BCAT1: variants seen among roughly 807,000 people sequenced by gnomAD.
BCAT1 encodes the protein branched chain amino acid transaminase 1.
In BCAT1, 48 loss-of-function variants were observed where a neutral mutation model predicts 52.4. The ratio of observed to expected loss-of-function variants is 0.92; its 90% CI spans 0.73 to 1.16. BCAT1 has a LOEUF of 1.16. Among genes scored for constraint, BCAT1 ranks in the 50% most tolerant of loss-of-function variants. The pLI is 0.00. For synonymous variants in BCAT1, 167 were observed against 161.3 expected (o/e 1.04, Z -0.27); for missense variants, 451 against 457.1 (o/e 0.99, Z 0.12).
chr12:24,872,819 C>T (rs1591826972), intron 5 of BCAT1, among the ~76,000 whole-genome samples: 1 of 152,178 alleles, frequency 6.6e-6, no homozygotes, highest in South Asian at 2.1e-4. Context: ...ATTCTCAGCC[C>T]TGGTATAGTT....
intron 1 of BCAT1, chr12:24,903,009 G>C (rs74528004): frequency 1.4e-6 from 2 of 1,442,072 alleles, no homozygotes; most frequent in Middle Eastern, 2.0e-4. Flanking sequence ...CGGGGACGCG[G>C]GGCTGCAGAG....
chr12:24,888,519 AAAC>A (rs1260463132), intron 3 of BCAT1, among the ~76,000 whole-genome samples: 1 of 152,134 alleles, frequency 6.6e-6, no homozygotes, highest in Non-Finnish European at 1.5e-5. Flanking sequence ...GAAAGAAAGA[AAAC>A]AATTCTTTGA....
chr12:24,915,909 G>T (rs1943400130), intron 1 of BCAT1, among the ~76,000 whole-genome samples: 1 of 152,214 alleles, frequency 6.6e-6, no homozygotes, highest in African/African-American at 2.4e-5. Flanking sequence ...TGTAATCCCA[G>T]CACTTTGGGA....
At chr12:24,939,478 ATTAG>A (rs1943817127) in intron 1 of BCAT1, among the ~76,000 whole-genome samples, 2 of 152,232 alleles carry the variant, frequency 1.3e-5, no homozygotes, top group African/African-American at 4.8e-5. Context: ...ATAATTTTCA[ATTAG>A]TTAAATTAAA....
chr12:24,946,566 A>C lies in BCAT1; in HGVS notation c.6+2361T>G, dbSNP rs569320398. On this transcript the variant is annotated intron_variant, in intron 1 of 10. Coordinates refer to ENST00000261192, the MANE Select transcript of BCAT1 (RefSeq NM_005504.7). Reference sequence around the variant, plus strand: ...TTTTTGTATCACAAATTCCAGGAACATAATGAGTGAGGCAGTTAGTCAGGA... The same window carrying C: ...TTTTTGTATCACAAATTCCAGGAACCTAATGAGTGAGGCAGTTAGTCAGGA... 7.2e-5 allele frequency among the ~76,000 whole-genome samples: 11 copies of C among 152,380 alleles called. No homozygotes were observed. In the East Asian group the frequency reaches 2.1e-3, roughly 29 times the overall value.
rs535671279 is a variant in BCAT1, at chr12:24,812,154, T to C, written c.*5854A>G. ...TACAAATTGAGGCAGAAATTTACAT[T>C]CCTTTCTTAACCCTGAGAATGAGTT... is the stretch of plus-strand genomic sequence containing the variant. On this transcript the variant is annotated 3_prime_UTR_variant, in exon 11 of 11. Coordinates refer to ENST00000261192, the MANE Select transcript of BCAT1 (RefSeq NM_005504.7). 1 of 152,232 alleles carries C rather than the reference T, an allele frequency of 6.6e-6. No homozygotes were observed. The highest frequency in any genetic ancestry group is 2.4e-5 in the African/African-American group (1 of 41,576). The allele number at this position is 152,232 out of a possible 1,614,324, so 9.4% of individuals were successfully genotyped here. A position where few individuals can be genotyped will look rare whatever the true frequency, so the allele number is the denominator to read the frequency against.
intron 1 of BCAT1, among the ~76,000 whole-genome samples, chr12:24,925,901 G>A (rs1184101801): frequency 2.0e-5 from 3 of 152,224 alleles, no homozygotes; most frequent in Admixed American, 6.5e-5. Flanking sequence ...GCTCAATGTT[G>A]CCCAAGCTGG....
intron 7 of BCAT1, among the ~76,000 whole-genome samples, chr12:24,836,865 G>T (rs1243091964): frequency 1.8e-5 from 2 of 110,510 alleles, no homozygotes; most frequent in South Asian, 3.1e-4. Flanking sequence ...AGGAAGGAAG[G>T]AAGGAAAGAG....
At chr12:24,903,749 T>C (rs1490492815) in intron 1 of BCAT1, 1 of 152,128 alleles carries the variant, frequency 6.6e-6, no homozygotes, top group Non-Finnish European at 1.5e-5. Flanking sequence ...GATCGCAATA[T>C]TTAGAAAGAG....
At chr12:24,836,031 A>T (rs1940909429) in intron 8 of BCAT1, among the ~76,000 whole-genome samples, 1 of 152,208 alleles carries the variant, frequency 6.6e-6, no homozygotes, top group Admixed American at 6.5e-5. Context: ...CAGAGAGAAA[A>T]AGAAGGCAGT....
In BCAT1 at chr12:24,901,923, G is replaced by T. The variant is rs750151142; in HGVS notation, c.7-38C>A. 3.7e-6 allele frequency: 6 copies of T among 1,613,614 alleles called. No homozygotes were observed. The South Asian group carries it at 6.6e-5, about 18-fold the overall frequency. Reference sequence around the variant, plus strand: ...TTAAACCACCATTAAGTAAATGCAGGTGGGTAAGCGGGACCCGGGGTAACC... The same window carrying T: ...TTAAACCACCATTAAGTAAATGCAGTTGGGTAAGCGGGACCCGGGGTAACC... On this transcript the variant is annotated intron_variant, in intron 1 of 10. Coordinates refer to ENST00000261192, the MANE Select transcript of BCAT1 (RefSeq NM_005504.7).
chr12:24,824,278 C>CCTTCCTTCCTTCCTTCCTTCCTTA (rs1940289238), intron 10 of BCAT1, among the ~76,000 whole-genome samples: 1 of 146,000 alleles, frequency 6.8e-6, no homozygotes, highest in Non-Finnish European at 1.5e-5. Flanking sequence ...TTCCCTCCCT[C>CCTTCCTTCCTTCCTTCCTTCCTTA]CCTCCCTCCC....
intron 5 of BCAT1, among the ~76,000 whole-genome samples, chr12:24,864,505 T>G (rs1459830871): frequency 6.6e-6 from 1 of 152,168 alleles, no homozygotes; most frequent in Admixed American, 6.5e-5. Context: ...GCTGCTCTAC[T>G]TAGTCACATG....
At chr12:24,921,946 C>T (rs1409548199) in intron 1 of BCAT1, among the ~76,000 whole-genome samples, 2 of 152,118 alleles carry the variant, frequency 1.3e-5, no homozygotes, top group Non-Finnish European at 2.9e-5. Flanking sequence ...CAAAGGACTT[C>T]GTCGTTAGAT....
intron 1 of BCAT1, among the ~76,000 whole-genome samples, chr12:24,946,444 G>C (rs759669575): frequency 9.2e-5 from 14 of 151,972 alleles, no homozygotes; most frequent in Non-Finnish European, 1.8e-4. Flanking sequence ...AGTTACAAGT[G>C]GGTTTTTAAA....
chr12:24,912,564 C>T (rs1379873924), intron 1 of BCAT1, among the ~76,000 whole-genome samples: 3 of 151,638 alleles, frequency 2.0e-5, no homozygotes, highest in African/African-American at 7.3e-5. Flanking sequence ...AATATACATA[C>T]ACCCAAAGGA....
chr12:24,940,359 T>C (rs1442335346), intron 1 of BCAT1, among the ~76,000 whole-genome samples: 1 of 152,208 alleles, frequency 6.6e-6, no homozygotes, highest in East Asian at 1.9e-4. Flanking sequence ...AAAGTACTCC[T>C]GTACATACTG....
At chr12:24,911,973 T>C (rs1384203005) in intron 1 of BCAT1, among the ~76,000 whole-genome samples, 1 of 152,240 alleles carries the variant, frequency 6.6e-6, no homozygotes, top group African/African-American at 2.4e-5. Flanking sequence ...AGGCTGCTTT[T>C]TTAAAATCCA....
intron 2 of BCAT1, among the ~76,000 whole-genome samples, chr12:24,898,111 G>A (rs988172908): frequency 4.6e-5 from 7 of 152,104 alleles, no homozygotes; most frequent in Admixed American, 2.6e-4. Flanking sequence ...TTAAGGGAAC[G>A]ATTTGTTTCC....
Sources: gnomAD v4.1 joint callset for allele counts (sites outside exome capture counted in the v4.1 genomes callset) on GRCh38, gnomAD v4.1.1 for gene constraint, MANE v1.5 for transcripts, NCBI Gene and HGNC (gene_info 2026-07-23, HGNC 2026-07-21) for gene names.